Variants in DENND5B observed in about 807,000 individuals in gnomAD.
DENND5B encodes the protein DENN domain-containing protein 5B.
A neutral mutation model predicts 140.6 loss-of-function variants in DENND5B; 34 were observed. The observed-to-expected ratio is 0.24, with a 90% CI of 0.18 to 0.32. DENND5B has a LOEUF of 0.32. Ranked by LOEUF, DENND5B falls within the 10% of genes least tolerant of loss-of-function variation. The probability of loss-of-function intolerance (pLI) is 1.00; values close to 1 mark genes in which losing one functional copy is unlikely to be tolerated. For synonymous variants in DENND5B, 551 were observed against 562.1 expected (o/e 0.98, Z 0.28); for missense variants, 1,142 against 1,560.2 (o/e 0.73, Z 4.52).
At chr12:31,448,996 TAA>T (rs1226881011) in intron 5 of DENND5B, among the ~76,000 whole-genome samples, 1 of 152,238 alleles carries the variant, frequency 6.6e-6, no homozygotes, top group African/African-American at 2.4e-5. Context: ...AGTTCCTAAT[TAA>T]AAGTGTCATT....
chr12:31,562,445 T>C (rs753765818), intron 1 of DENND5B, among the ~76,000 whole-genome samples: 1 of 152,056 alleles, frequency 6.6e-6, no homozygotes, highest in African/African-American at 2.4e-5. Context: ...ACCCCATCTC[T>C]AATACAAATA....
In DENND5B at chr12:31,398,280, CTGA is replaced by C; in HGVS notation, c.3148_3150del (p.Ser1050del). On this transcript the variant is annotated inframe_deletion, in exon 17 of 21. Transcript: ENST00000389082. ...TGCTTTACTAGATCTTCATCTGATG[CTGA>C]TGTCATCAACTCTCCAATAAGAATT... is the stretch of plus-strand genomic sequence containing the variant. The C allele has an allele frequency of 6.4e-7, 1 of 1,568,318 alleles. No homozygotes were observed. Among genetic ancestry groups the C allele is most frequent in the Non-Finnish European group, 8.7e-7 (1 of 1,155,810 alleles).
chr12:31,536,042 C>T (rs1381412889), intron 1 of DENND5B, among the ~76,000 whole-genome samples: 2 of 152,034 alleles, frequency 1.3e-5, no homozygotes, highest in African/African-American at 2.4e-5. Flanking sequence ...TGTAGCAGCT[C>T]TCCGCCCCTC....
intron 1 of DENND5B, chr12:31,541,002 C>T (rs1000397565): frequency 2.2e-5 from 10 of 453,992 alleles, no homozygotes; most frequent in East Asian, 7.0e-5. Context: ...GATATCTTTA[C>T]GCAGAAGAAT....
chr12:31,545,771 C>G (rs992342467), intron 1 of DENND5B, among the ~76,000 whole-genome samples: 2 of 151,766 alleles, frequency 1.3e-5, no homozygotes, highest in Non-Finnish European at 2.9e-5. Context: ...CTGGGCAACA[C>G]AGTGAAACCC....
chr12:31,528,767 G>A (rs1405892131), intron 1 of DENND5B, among the ~76,000 whole-genome samples: 2 of 152,204 alleles, frequency 1.3e-5, no homozygotes, highest in African/African-American at 4.8e-5. Context: ...GAGATGTTAA[G>A]ACAGCAGTCA....
intron 15 of DENND5B, among the ~76,000 whole-genome samples, chr12:31,400,988 A>G (rs1941766364): frequency 6.6e-6 from 1 of 151,534 alleles, no homozygotes; most frequent in Admixed American, 6.6e-5. Context: ...GATTACAGGC[A>G]TGTGCCACCA....
chr12:31,541,815 T>C (rs1188395570), intron 1 of DENND5B, among the ~76,000 whole-genome samples: 1 of 152,134 alleles, frequency 6.6e-6, no homozygotes, highest in Non-Finnish European at 1.5e-5. Context: ...CATCAACAGA[T>C]GAATGGATAA....
intron 1 of DENND5B, among the ~76,000 whole-genome samples, chr12:31,520,417 T>C (rs1228229249): frequency 2.0e-5 from 3 of 152,222 alleles, no homozygotes; most frequent in Non-Finnish European, 2.9e-5. Context: ...CTAGCTAGTA[T>C]AGAAGTTAGG....
intron 11 of DENND5B, among the ~76,000 whole-genome samples, chr12:31,419,373 C>T (rs1942912989): frequency 6.6e-6 from 1 of 151,402 alleles, no homozygotes. Context: ...CTCTTGAACT[C>T]GGGAGGTTGC....
Position 31,391,593 on chromosome 12 carries a change from G to A in DENND5B, c.3466+674C>T, listed in dbSNP as rs1373769735. Among the ~76,000 whole-genome samples the A allele has an allele frequency of 2.0e-5, 3 of 152,084 alleles. No individual in the cohort carries two copies. The East Asian group carries it at 5.8e-4, about 29-fold the overall frequency. On this transcript the variant is annotated intron_variant, in intron 19 of 20. Transcript: ENST00000389082. ...ACTCAAATACTATTTGGAATATTGTGCATATTACAATTTGTTGAGTAAATG... is the reference window on the plus strand; with the variant it reads ...ACTCAAATACTATTTGGAATATTGTACATATTACAATTTGTTGAGTAAATG...
chr12:31,551,285 A>G (rs1015320658), intron 1 of DENND5B, among the ~76,000 whole-genome samples: 164 of 152,344 alleles, frequency 1.1e-3, no homozygotes, highest in African/African-American at 3.9e-3. Context: ...ACATATGGCT[A>G]GCCAGTTTTC....
intron 7 of DENND5B, among the ~76,000 whole-genome samples, chr12:31,441,387 A>G (rs765559957): frequency 6.6e-6 from 1 of 151,910 alleles, no homozygotes; most frequent in Non-Finnish European, 1.5e-5. Flanking sequence ...GGGCCTTCCT[A>G]TGTTCCCCAG....
In DENND5B at chr12:31,591,135, C is replaced by A; in HGVS notation, c.-303G>T. 6.6e-6 allele frequency: 1 copy of A among 150,882 alleles called. No individual in the cohort carries two copies. Among genetic ancestry groups the A allele is most frequent in the South Asian group, 2.1e-4 (1 of 4,850 alleles). 9.3% of individuals were successfully genotyped at this position (150,882 alleles called of 1,614,324 possible). A position where few individuals can be genotyped will look rare whatever the true frequency, so the allele number is the denominator to read the frequency against. ...GCTCGCGAGCTGAGAGCCGCCGCGT[C>A]TGGCGCCCGCGGGTCAGCTGAGCGG... On this transcript the variant is annotated 5_prime_UTR_variant, in exon 1 of 21. Coordinates refer to ENST00000389082, the MANE Select transcript of DENND5B (RefSeq NM_144973.4).
At chr12:31,527,173 T>A (rs1257570429) in intron 1 of DENND5B, among the ~76,000 whole-genome samples, 1 of 152,150 alleles carries the variant, frequency 6.6e-6, no homozygotes, top group Non-Finnish European at 1.5e-5. Flanking sequence ...ATCACAATTT[T>A]AAAAATAGTC....
At chr12:31,546,547 C>T (rs1339177068) in intron 1 of DENND5B, among the ~76,000 whole-genome samples, 2 of 152,046 alleles carry the variant, frequency 1.3e-5, no homozygotes, top group East Asian at 3.9e-4. Flanking sequence ...ATTAGCCAGG[C>T]ATGGTGGTAC....
At position 31,398,254 on chromosome 12, in the gene DENND5B, C is replaced by T. The variant is rs1194163430; in HGVS notation, c.3177G>A (p.Gln1059=). The T allele has an allele frequency of 5.0e-6, 8 of 1,593,806 alleles. No homozygotes were observed. The highest frequency in any genetic ancestry group is 6.8e-6 in the Non-Finnish European group (8 of 1,169,812). The change falls in exon 17 of 21, where the codon CAG becomes CAA. Residue 1059 remains glutamine, a synonymous_variant. Coordinates refer to ENST00000389082, the MANE Select transcript of DENND5B (RefSeq NM_144973.4). ...TSASDEDLVK[Q]CRTPPQQKSP... Reference sequence around the variant, plus strand: ...ACTTCTGCTGGGGTGGAGTCCGACACTGCTTTACTAGATCTTCATCTGATG... The same window carrying T: ...ACTTCTGCTGGGGTGGAGTCCGACATTGCTTTACTAGATCTTCATCTGATG...
chr12:31,400,480 C>A (rs1382737451), intron 15 of DENND5B, among the ~76,000 whole-genome samples: 1 of 152,212 alleles, frequency 6.6e-6, no homozygotes, highest in African/African-American at 2.4e-5. Context: ...ATTCTGACTT[C>A]TAAAATCTGA....
At chr12:31,533,907 C>G (rs1294125770) in intron 1 of DENND5B, among the ~76,000 whole-genome samples, 1 of 148,666 alleles carries the variant, frequency 6.7e-6, no homozygotes, top group Admixed American at 6.7e-5. Context: ...TTTCCTTTAA[C>G]TTATGAAGAT....
Sources: allele counts gnomAD v4.1 joint callset (sites outside exome capture counted in the v4.1 genomes callset), GRCh38; gene constraint gnomAD v4.1.1; transcripts MANE v1.5; gene names NCBI Gene and HGNC (gene_info 2026-07-23, HGNC 2026-07-21).